Variants in RFX7 observed in about 807,000 individuals in gnomAD.
RFX7 encodes the protein DNA-binding protein RFX7.
RFX7 carries 26 observed loss-of-function variants against 111.8 expected under a neutral mutation model. The observed-to-expected ratio is 0.23, with a 90% CI of 0.17 to 0.32. RFX7 has a LOEUF of 0.32. Ranked by LOEUF, RFX7 falls within the 10% of genes least tolerant of loss-of-function variation. The pLI is 1.00. For synonymous variants in RFX7, 624 were observed against 624.4 expected (o/e 1.00, Z 0.01); for missense variants, 1,573 against 1,772.9 (o/e 0.89, Z 2.02).
chr15:56,110,542 G>T (rs1275031768), intron 5 of RFX7, among the ~76,000 whole-genome samples: 10 of 14,226 alleles, frequency 7.0e-4, no homozygotes, highest in Non-Finnish European at 1.6e-3. Context: ...GGAGGGAGGT[G>T]GGGGGGGTCA....
At chr15:56,192,966 C>T (rs141721768) in intron 2 of RFX7, 165 of 190,312 alleles carry the variant, frequency 8.7e-4, no homozygotes, top group African/African-American at 3.7e-3. Flanking sequence ...CTGTGGACTA[C>T]GGATATTGCA....
chr15:56,133,646 C>G (rs1735530257), intron 5 of RFX7, among the ~76,000 whole-genome samples: 1 of 152,044 alleles, frequency 6.6e-6, no homozygotes, highest in African/African-American at 2.4e-5. Flanking sequence ...TGATTTAAAA[C>G]TCTTGTTCTT....
chr15:56,137,191 T>C (rs1462252662), intron 5 of RFX7, among the ~76,000 whole-genome samples: 3 of 152,082 alleles, frequency 2.0e-5, no homozygotes, highest in Non-Finnish European at 2.9e-5. Flanking sequence ...GAAGGAATGG[T>C]ACCAGTTCCT....
intron 5 of RFX7, among the ~76,000 whole-genome samples, chr15:56,121,258 A>T (rs2042075509): frequency 6.6e-6 from 1 of 152,156 alleles, no homozygotes; most frequent in South Asian, 2.1e-4. Context: ...TGGGTATACT[A>T]TTCTAGGGTA....
chr15:56,153,696 G>T lies in RFX7; in HGVS notation c.196-9213C>A, dbSNP rs1328606861. ...CCCACAGCCAGTATCATACTGAATGGGCAAAAACTGGAAGCATTCCCTTTG... is the reference window on the plus strand; with the variant it reads ...CCCACAGCCAGTATCATACTGAATGTGCAAAAACTGGAAGCATTCCCTTTG... On this transcript the variant is annotated intron_variant, in intron 3 of 9. Transcript: ENST00000559447. Among the ~76,000 whole-genome samples the T allele has an allele frequency of 3.9e-5, 6 of 152,252 alleles. 1 individual carries two copies. The East Asian group carries it at 1.2e-3, about 29-fold the overall frequency.
intron 3 of RFX7, among the ~76,000 whole-genome samples, chr15:56,157,962 T>C (rs905706450): frequency 1.3e-4 from 20 of 152,236 alleles, no homozygotes; most frequent in African/African-American, 4.8e-4. Context: ...AGACTTCTCA[T>C]ATAAGAATAT....
At chr15:56,105,021 G>A (rs1423420189) in intron 5 of RFX7, among the ~76,000 whole-genome samples, 1 of 152,182 alleles carries the variant, frequency 6.6e-6, no homozygotes, top group Non-Finnish European at 1.5e-5. Flanking sequence ...ATGGAAATGA[G>A]CTGCATCAAA....
At chr15:56,108,710 GAGAA>G (rs2041864542) in intron 5 of RFX7, among the ~76,000 whole-genome samples, 1 of 152,116 alleles carries the variant, frequency 6.6e-6, no homozygotes, top group East Asian at 1.9e-4. Flanking sequence ...AATCAGGCAA[GAGAA>G]AGAAAGAAAG....
chr15:56,242,805 T>C (rs1344891600), intron 2 of RFX7, among the ~76,000 whole-genome samples: 1 of 152,224 alleles, frequency 6.6e-6, no homozygotes. Context: ...TCCAAATTCA[T>C]GCCACCATCA....
intron 2 of RFX7, among the ~76,000 whole-genome samples, chr15:56,241,410 CTT>C (rs1341845963): frequency 1.3e-5 from 2 of 152,204 alleles, no homozygotes; most frequent in African/African-American, 4.8e-5. Flanking sequence ...CCTTTCCCCT[CTT>C]GTTCTCATAA....
chr15:56,125,169 G>T (rs1279572756), intron 5 of RFX7, among the ~76,000 whole-genome samples: 1 of 152,184 alleles, frequency 6.6e-6, no homozygotes, highest in African/African-American at 2.4e-5. Context: ...GCTGTAGATT[G>T]TGGATTAACT....
chr15:56,153,076 C>T lies in RFX7; in HGVS notation c.196-8593G>A, dbSNP rs187422279. Among the ~76,000 whole-genome samples the T allele has an allele frequency of 6.3e-3, 952 of 152,228 alleles. 7 individuals carry two copies. The highest frequency in any genetic ancestry group is 9.8e-3 in the Non-Finnish European group (667 of 68,004). ...AATTGAGGCAGTAATTAATAGCCTA[C>T]CAACCAAAAAAAGTCCATGACCAGA... On this transcript the variant is annotated intron_variant, in intron 3 of 9. Transcript: ENST00000559447.
At chr15:56,217,262 T>G (rs1388422979) in intron 2 of RFX7, among the ~76,000 whole-genome samples, 1 of 152,124 alleles carries the variant, frequency 6.6e-6, no homozygotes, top group African/African-American at 2.4e-5. Flanking sequence ...AAATAACAAT[T>G]TCATTATGCC....
chr15:56,098,671 G>A (rs563637932), intron 8 of RFX7, among the ~76,000 whole-genome samples: 94 of 152,280 alleles, frequency 6.2e-4, no homozygotes, highest in African/African-American at 2.2e-3. Flanking sequence ...TAGCTATATC[G>A]TAAATGTGCA....
intron 2 of RFX7, among the ~76,000 whole-genome samples, chr15:56,237,493 AT>A (rs1315090103): frequency 6.6e-6 from 1 of 152,194 alleles, no homozygotes; most frequent in African/African-American, 2.4e-5. Flanking sequence ...ATGCAATATT[AT>A]TTTCTAATGG....
At position 56,093,095 on chromosome 15, in the gene RFX7, C is replaced by A; in HGVS notation, c.*250G>T. The A allele has an allele frequency of 2.5e-6, 1 of 406,476 alleles. No individual in the cohort carries two copies. The highest frequency in any genetic ancestry group is 4.4e-6 in the Non-Finnish European group (1 of 227,824). The allele number at this position is 406,476 out of a possible 1,614,324, so 25.2% of individuals were successfully genotyped here. A position where few individuals can be genotyped will look rare whatever the true frequency, so the allele number is the denominator to read the frequency against. ...CTCTTGTAACAGCTGGATAGTCAAT[C>A]AATGTGAATAAATGGGGCACATTAT... On this transcript the variant is annotated 3_prime_UTR_variant, in exon 10 of 10. Transcript: ENST00000559447.
At chr15:56,144,990 G>A (rs2042449444) in intron 3 of RFX7, among the ~76,000 whole-genome samples, 1 of 152,106 alleles carries the variant, frequency 6.6e-6, no homozygotes, top group Non-Finnish European at 1.5e-5. Flanking sequence ...TGTTACCTGT[G>A]GATGGAACTG....
intron 5 of RFX7, among the ~76,000 whole-genome samples, chr15:56,115,344 TTC>T (rs1286585469): frequency 6.6e-6 from 1 of 152,234 alleles, no homozygotes; most frequent in African/African-American, 2.4e-5. Flanking sequence ...AAAATAACTA[TTC>T]TTTTTTTATT....
At position 56,103,622 on chromosome 15, in the gene RFX7, A is replaced by C; in HGVS notation, c.450T>G (p.Phe150Leu). ...LGYHPLSAAD[F>L]GKIMKNVFPN... Reference sequence around the variant, plus strand: ...GAAAGACGTTTTTCATGATCTTTCCAAAATCAGCAGCACTTAATGGATGGT... The same window carrying C: ...GAAAGACGTTTTTCATGATCTTTCCCAAATCAGCAGCACTTAATGGATGGT... The change falls in exon 6 of 10, where the codon TTT becomes TTG. Residue 150 changes from phenylalanine (F) to leucine (L), a missense_variant. Physicochemically the swap from Phe to Leu is conservative, Grantham distance 22 (BLOSUM62 0). Around this residue, in one of 7 missense-constraint regions of RFX7, gnomAD observed 191 missense variants for 194.2 expected, o/e 0.98. Transcript: ENST00000559447. 1 of 1,604,878 alleles carries C rather than the reference A, an allele frequency of 6.2e-7. No individual in the cohort carries two copies. Among genetic ancestry groups the C allele is most frequent in the Non-Finnish European group, 8.5e-7 (1 of 1,175,332 alleles).
Sources: gnomAD v4.1 joint callset for allele counts (sites outside exome capture counted in the v4.1 genomes callset) on GRCh38, gnomAD v4.1.1 for gene constraint, gnomAD v4.1.1 regional missense constraint, MANE v1.5 for transcripts, NCBI Gene and HGNC (gene_info 2026-07-23, HGNC 2026-07-21) for gene names.